ACTN2: variants seen among roughly 807,000 people sequenced by gnomAD.
ACTN2 encodes the protein actinin alpha 2, also known as alpha-actinin-2.
A neutral mutation model predicts 113.8 loss-of-function variants in ACTN2; 39 were observed. That is an observed-to-expected ratio of 0.34 (90% CI 0.27 to 0.45). The LOEUF (loss-of-function observed/expected upper bound fraction) is 0.45, where lower values mean the gene tolerates loss of function less well. ACTN2 is among the 20% of genes least tolerant of loss of function. ACTN2 has a pLI of 1.00. For synonymous variants in ACTN2, 429 were observed against 444.1 expected, an observed-to-expected ratio of 0.97 and a Z score of 0.43; for missense variants, 992 against 1,177.9, an observed-to-expected ratio of 0.84 and a Z score of 2.31.
At chr1:236,739,891 A>G (rs1270402363) in intron 10 of ACTN2, among the ~76,000 whole-genome samples, 2 of 152,034 alleles carry the variant, frequency 1.3e-5, no homozygotes, top group African/African-American at 4.8e-5. Context: ...ACCTTCGCAA[A>G]GTCTGAGTCC....
Position 236,764,064 on chromosome 1 carries a change from C to G in ACTN2, c.*1445C>G, listed in dbSNP as rs1659781990. The G allele has an allele frequency of 6.6e-6, 1 of 152,168 alleles. No homozygotes were observed. The highest frequency in any genetic ancestry group is 1.5e-5 in the Non-Finnish European group (1 of 68,040). The allele number at this position is 152,168 out of a possible 1,614,324, so 9.4% of individuals were successfully genotyped here. The stretch of plus-strand genomic sequence containing the variant: ...GTCTGTTACCTACAGTCTGTTTGCT[C>G]AGATTTTTATAGATTTCCACCAACA... On this transcript the variant is annotated 3_prime_UTR_variant, in exon 21 of 21. Coordinates refer to ENST00000366578, the MANE Select transcript of ACTN2 (RefSeq NM_001103.4).
intron 1 of ACTN2, among the ~76,000 whole-genome samples, chr1:236,700,693 T>G (rs1445997750): frequency 6.6e-6 from 1 of 152,158 alleles, no homozygotes; most frequent in African/African-American, 2.4e-5. Context: ...AATTTGATAC[T>G]TCTGCTTCTG....
chr1:236,743,927 T>G (rs1439864208), intron 11 of ACTN2, among the ~76,000 whole-genome samples: 1 of 152,190 alleles, frequency 6.6e-6, no homozygotes, highest in African/African-American at 2.4e-5. Context: ...TAGAAAGCAT[T>G]TAGAGTAGCG....
At chr1:236,750,441 G>A (rs948032689) in intron 14 of ACTN2, among the ~76,000 whole-genome samples, 1 of 152,082 alleles carries the variant, frequency 6.6e-6, no homozygotes, top group Non-Finnish European at 1.5e-5. Context: ...GTCTAAAATC[G>A]TTTATTTTTG....
intron 1 of ACTN2, among the ~76,000 whole-genome samples, chr1:236,690,472 A>G (rs1232433336): frequency 2.0e-5 from 3 of 152,230 alleles, no homozygotes; most frequent in South Asian, 2.1e-4. Flanking sequence ...GTACCCGACT[A>G]CAGTTGAATC....
At chr1:236,728,217 C>T (rs552847172) in intron 6 of ACTN2, among the ~76,000 whole-genome samples, 1 of 145,506 alleles carries the variant, frequency 6.9e-6, no homozygotes, top group East Asian at 2.1e-4. Context: ...GATCTCGGCT[C>T]ACAGCAGGCT....
intron 1 of ACTN2, among the ~76,000 whole-genome samples, chr1:236,715,206 T>C (rs1457461373): frequency 6.6e-6 from 1 of 151,300 alleles, no homozygotes; most frequent in African/African-American, 2.4e-5. Context: ...GTGCACAACG[T>C]GTAGGTTTGT....
At chr1:236,730,310 G>C (rs1274572346) in intron 6 of ACTN2, among the ~76,000 whole-genome samples, 1 of 149,592 alleles carries the variant, frequency 6.7e-6, no homozygotes, top group Non-Finnish European at 1.5e-5. Context: ...TATACTCTGT[G>C]AGGCCAGAAA....
intron 1 of ACTN2, among the ~76,000 whole-genome samples, chr1:236,717,585 G>A (rs1054040569): frequency 2.6e-5 from 4 of 152,172 alleles, no homozygotes; most frequent in Non-Finnish European, 4.4e-5. Context: ...GAAGATACAG[G>A]TATAAATGTG....
At chr1:236,705,499 G>A (rs558212128) in intron 1 of ACTN2, among the ~76,000 whole-genome samples, 2 of 152,236 alleles carry the variant, frequency 1.3e-5, no homozygotes, top group Non-Finnish European at 2.9e-5. Flanking sequence ...TGTGCACATG[G>A]AGGGGCCCTT....
Position 236,763,042 on chromosome 1 carries a change from A to G in ACTN2, c.*423A>G, listed in dbSNP as rs114880747. The stretch of plus-strand genomic sequence containing the variant: ...TTGCTATTTGTAAAAAATTTCATTT[A>G]TCTCTAATATGCTTATGTGATTGCC... On this transcript the variant is annotated 3_prime_UTR_variant, in exon 21 of 21. Transcript: ENST00000366578. 4,088 of 315,304 alleles carry G rather than the reference A, an allele frequency of 0.013. 146 individuals are homozygous for G. Among genetic ancestry groups the G allele is most frequent in the African/African-American group, 0.081 (3,701 of 45,834 alleles). The allele number at this position is 315,304 out of a possible 1,614,324, so 19.5% of individuals were successfully genotyped here. A position where few individuals can be genotyped will look rare whatever the true frequency, so the allele number is the denominator to read the frequency against.
At chr1:236,742,781 A>C (rs749683568) in intron 10 of ACTN2, 115 bp from the exon 11 acceptor site, 73 of 1,370,744 alleles carry the variant, frequency 5.3e-5, no homozygotes, top group Admixed American at 1.7e-4. Flanking sequence ...AAAGAAAACA[A>C]AAGGAAAACA....
intron 10 of ACTN2, among the ~76,000 whole-genome samples, chr1:236,740,603 G>A (rs1019454912): frequency 1.3e-5 from 2 of 151,508 alleles, no homozygotes; most frequent in African/African-American, 2.4e-5. Context: ...CACGATCTCG[G>A]CTCACTGCAA....
chr1:236,753,877 CCG>C, intron 15 of ACTN2, 68 bp from the exon 16 acceptor site: 1 of 891,510 alleles, frequency 1.1e-6, no homozygotes, highest in Non-Finnish European at 1.7e-6. Flanking sequence ...TGGACTATTC[CCG>C]CATTCTGTGG....
intron 14 of ACTN2, among the ~76,000 whole-genome samples, chr1:236,749,815 C>T (rs1480553975): frequency 6.6e-6 from 1 of 152,060 alleles, no homozygotes; most frequent in Non-Finnish European, 1.5e-5. Flanking sequence ...ACAACAACAA[C>T]AACAACGACA....
chr1:236,738,488 T>G (rs1255941894), intron 9 of ACTN2, among the ~76,000 whole-genome samples: 3 of 152,246 alleles, frequency 2.0e-5, no homozygotes, highest in African/African-American at 7.2e-5. Flanking sequence ...TTGCCAGACA[T>G]GAAGCATGGC....
At chr1:236,749,486 A>C (rs943413272) in intron 14 of ACTN2, among the ~76,000 whole-genome samples, 1 of 152,160 alleles carries the variant, frequency 6.6e-6, no homozygotes, top group Non-Finnish European at 1.5e-5. Context: ...TGTGTCTCAG[A>C]AGCTCTGTTC....
intron 10 of ACTN2, among the ~76,000 whole-genome samples, chr1:236,742,257 C>G (rs895670823): frequency 7.5e-5 from 11 of 145,870 alleles, no homozygotes; most frequent in South Asian, 2.2e-4. Context: ...ATGACTGTCT[C>G]TCTCCCCCAA....
chr1:236,734,335 G>C (rs558487416), intron 7 of ACTN2: 2 of 805,208 alleles, frequency 2.5e-6, no homozygotes, highest in South Asian at 3.7e-5. Context: ...GGGGGCGAAG[G>C]GGGAGGATTC....
Sources: allele counts gnomAD v4.1 joint callset (sites outside exome capture counted in the v4.1 genomes callset), GRCh38; gene constraint gnomAD v4.1.1; transcripts MANE v1.5; gene names NCBI Gene and HGNC (gene_info 2026-07-23, HGNC 2026-07-21).